MIOX: variants seen among roughly 807,000 people sequenced by gnomAD.
MIOX encodes inositol oxygenase.
A neutral mutation model predicts 42.7 loss-of-function variants in MIOX; 51 were observed. The observed-to-expected ratio is 1.19, with a 90% CI of 0.95 to 1.51. The LOEUF is 1.51. Ranked by LOEUF, MIOX falls within the 40% of genes most tolerant of loss-of-function variation. MIOX has a pLI of 0.00. For synonymous variants in MIOX, 168 were observed against 154.4 expected (o/e 1.09, Z -0.65); for missense variants, 395 against 381.3 (o/e 1.04, Z -0.30).
At position 50,487,398 on chromosome 22, in the gene MIOX, C is replaced by G; in HGVS notation, c.29C>G (p.Ser10Cys). MKVTVGPDP[S>C]LVYRPDVDPE... Reference sequence around the variant, plus strand: ...CCACCTACCCAGGGCCCAGACCCTTCCCTGGTCTACCGACCTGATGTGGAC... The same window carrying G: ...CCACCTACCCAGGGCCCAGACCCTTGCCTGGTCTACCGACCTGATGTGGAC... The change falls in exon 2 of 10, where the codon TCC (serine) becomes TGC (cysteine). Residue 10 changes from serine (S) to cysteine (C), a missense_variant. Transcript: ENST00000216075. 1 of 1,613,684 alleles carries G rather than the reference C, an allele frequency of 6.2e-7. No individual in the cohort carries two copies. The highest frequency in any genetic ancestry group is 8.5e-7 in the Non-Finnish European group (1 of 1,179,764).
chr22:50,490,004 C>A lies in MIOX; in HGVS notation c.*148C>A. 6.1e-6 allele frequency: 4 copies of A among 660,926 alleles called. No homozygotes were observed. The South Asian group carries it at 7.0e-5, about 12-fold the overall frequency. The allele number at this position is 660,926 out of a possible 1,614,324, so 40.9% of individuals were successfully genotyped here. A position where few individuals can be genotyped will look rare whatever the true frequency, so the allele number is the denominator to read the frequency against. On this transcript the variant is annotated 3_prime_UTR_variant, in exon 10 of 10. Coordinates refer to ENST00000216075, the MANE Select transcript of MIOX (RefSeq NM_017584.6). ...TTAGGGTCGCCACCCCTCACGGCAA[C>A]TTGTGCCTGGCGTCAATAAAGACCT...
In MIOX at chr22:50,487,993, CT is replaced by C. The variant is rs1287059896; in HGVS notation, c.286del (p.Ser96ProfsTer106). 4 of 1,613,894 alleles carry C rather than the reference CT, an allele frequency of 2.5e-6. No individual in the cohort carries two copies. Among genetic ancestry groups the C allele is most frequent in the Non-Finnish European group, 3.4e-6 (4 of 1,179,962 alleles). On this transcript the variant is annotated frameshift_variant, in exon 4 of 10. Coordinates refer to ENST00000216075, the MANE Select transcript of MIOX (RefSeq NM_017584.6). LOFTEE classifies it high-confidence loss of function. The part of the protein sequence containing the change: ...ESDPDVDFPN[S>X]FHAFQTAEGI... ...CGGACCCGGACGTAGATTTCCCCAA[CT>C]CCTTCCATGCCTTCCAGACAGCGGA...
intron 5 of MIOX, among the ~76,000 whole-genome samples, chr22:50,488,776 C>T (rs900735207): frequency 1.3e-5 from 1 of 75,200 alleles, no homozygotes; most frequent in African/African-American, 5.7e-5. Context: ...TCCTGTCCCT[C>T]CCATCCCTCC....
Position 50,489,731 on chromosome 22 carries a change from G to T in MIOX, c.750-17G>T. The T allele has an allele frequency of 6.2e-7, 1 of 1,610,728 alleles. No individual in the cohort carries two copies. ...CTGGGGGTTCTTCACGGGGCTCACC[G>T]CCCCTCCCTGCTGCAGCAAGTTCGA... On this transcript the variant is annotated splice_polypyrimidine_tract_variant and intron_variant, in intron 9 of 9. Transcript: ENST00000216075.
intron 5 of MIOX, 151 bp downstream of exon 5, chr22:50,488,493 C>T (rs13056168): frequency 0.4 from 198,312 of 495,394 alleles, 47,109 homozygotes; most frequent in Non-Finnish European, 0.46. Flanking sequence ...CTGGTGGCCT[C>T]GGTGCTTGGC....
chr22:50,487,783 C>T (rs756304639), intron 3 of MIOX, 41 bp downstream of exon 3: 1 of 1,611,596 alleles, frequency 6.2e-7, no homozygotes, highest in Non-Finnish European at 8.5e-7. Flanking sequence ...CGGAGGGACC[C>T]TTGCCCTCAG....
rs1556449955 is a variant in MIOX, at chr22:50,489,282, C to T, written c.573C>T (p.Ser191=). The part of the protein sequence containing the change: ...PHCGLDRVLM[S]WGHDEYMYQV... ...GTGGGCTCGACAGGGTCCTCATGTC[C>T]TGGGGCCATGATGGTGAGGCCAGAG... The change falls in exon 7 of 10, where the codon TCC becomes TCT. Residue 191 remains serine (S), a synonymous_variant. Transcript: ENST00000216075. The T allele has an allele frequency of 2.4e-5, 34 of 1,436,002 alleles. No individual in the cohort carries two copies. In the South Asian group the frequency reaches 3.3e-4, roughly 14 times the overall value. 89.0% of individuals were successfully genotyped at this position (1,436,002 alleles called of 1,614,324 possible).
In MIOX at chr22:50,489,939, C is replaced by T. The variant is rs1259126013; in HGVS notation, c.*83C>T. ...AGGCCTGGCCCTGGGCAAACAGCCGCCATCAGGGTTCACCTCGGTGGGGGA... is the reference window on the plus strand; with the variant it reads ...AGGCCTGGCCCTGGGCAAACAGCCGTCATCAGGGTTCACCTCGGTGGGGGA... On this transcript the variant is annotated 3_prime_UTR_variant, in exon 10 of 10. Coordinates refer to ENST00000216075, the MANE Select transcript of MIOX (RefSeq NM_017584.6). 7.4e-6 allele frequency: 10 copies of T among 1,355,352 alleles called. No homozygotes were observed. Among genetic ancestry groups the T allele is most frequent in the East Asian group, 4.7e-5 (2 of 42,988 alleles). The allele number at this position is 1,355,352 out of a possible 1,614,324, so 84.0% of individuals were successfully genotyped here. A position where few individuals can be genotyped will look rare whatever the true frequency, so the allele number is the denominator to read the frequency against.
At chr22:50,488,770 GTCCCTCCCATCCCTCCCGTCCCTCCTGT>G in intron 5 of MIOX, among the ~76,000 whole-genome samples, 1 of 56,462 alleles carries the variant, frequency 1.8e-5, no homozygotes, top group South Asian at 8.5e-4. Context: ...TGTCCCTCCT[GTCCCTCCCATCCCTCCCGTCCCTCCTGT>G]CCCTCCCGTC....
At position 50,489,783 on chromosome 22, in the gene MIOX, C is replaced by G. The variant is rs143408176; in HGVS notation, c.785C>G (p.Pro262Arg). The G allele has an allele frequency of 6.2e-7, 1 of 1,612,190 alleles. No individual in the cohort carries two copies. ...FDLYTKCPDL[P>R]DVDKLRPYYQ... ...CTCTACACCAAGTGCCCGGACCTGC[C>G]GGACGTGGACAAGCTGCGGCCCTAC... The change falls in exon 10 of 10, where the codon CCG (proline) becomes CGG (arginine). Residue 262 changes from proline (P) to arginine (R), a missense_variant. Coordinates refer to ENST00000216075, the MANE Select transcript of MIOX (RefSeq NM_017584.6).
chr22:50,488,724 CT>C (rs1178936425), intron 5 of MIOX, among the ~76,000 whole-genome samples: 7 of 124,594 alleles, frequency 5.6e-5, no homozygotes, highest in Admixed American at 3.3e-4. Context: ...CCTTCCCCCA[CT>C]TCCCCCACGG....
At chr22:50,487,587 G>C in intron 2 of MIOX, 75 bp from the exon 3 acceptor site, 1 of 1,560,856 alleles carries the variant, frequency 6.4e-7, no homozygotes, top group Non-Finnish European at 8.8e-7. Context: ...CACCCTGTGG[G>C]GCTGCCTGGG....
Position 50,488,909 on chromosome 22 carries a change from A to G in MIOX, c.409-131A>G, listed in dbSNP as rs185433282. ...TCCCTCCTGTCCCTCTGCAGTGGGCAGTCATCGGTGACACCTTCCCCCACT... is the reference window on the plus strand; with the variant it reads ...TCCCTCCTGTCCCTCTGCAGTGGGCGGTCATCGGTGACACCTTCCCCCACT... On this transcript the variant is annotated intron_variant, in intron 5 of 9. Coordinates refer to ENST00000216075, the MANE Select transcript of MIOX (RefSeq NM_017584.6). The G allele has an allele frequency of 7.7e-3, 3,416 of 442,620 alleles. 51 individuals are homozygous for G. The highest frequency in any genetic ancestry group is 0.021 in the Middle Eastern group (38 of 1,852). The allele number at this position is 442,620 out of a possible 1,614,324, so 27.4% of individuals were successfully genotyped here. A position where few individuals can be genotyped will look rare whatever the true frequency, so the allele number is the denominator to read the frequency against.
Position 50,487,709 on chromosome 22 carries a change from C to A in MIOX, c.144C>A (p.His48Gln), listed in dbSNP as rs752055088. ...TCTTCACCACCTACAAGCTCATGCA[C>A]ACGCACCAGACAGTGGACTTCGTCA... ...DRVFTTYKLM[H>Q]THQTVDFVRS... is the part of the protein sequence containing the mutation. Residue 48 changes from histidine (H) to glutamine (Q), a missense_variant, in exon 3 of 10, where the codon CAC becomes CAA. Physicochemically the swap from His to Gln is conservative, Grantham distance 24 (BLOSUM62 0). Coordinates refer to ENST00000216075, the MANE Select transcript of MIOX (RefSeq NM_017584.6). The A allele has an allele frequency of 1.2e-6, 2 of 1,613,896 alleles. No homozygotes were observed.
Position 50,489,958 on chromosome 22 carries a change from T to C in MIOX, c.*102T>C. The C allele has an allele frequency of 8.9e-7, 1 of 1,128,798 alleles. No individual in the cohort carries two copies. The highest frequency in any genetic ancestry group is 2.5e-5 in the East Asian group (1 of 40,586). The allele number at this position is 1,128,798 out of a possible 1,614,324, so 69.9% of individuals were successfully genotyped here. The stretch of plus-strand genomic sequence containing the variant: ...CAGCCGCCATCAGGGTTCACCTCGG[T>C]GGGGGACCCCACTCACCCCCTTAGG... On this transcript the variant is annotated 3_prime_UTR_variant, in exon 10 of 10. Transcript: ENST00000216075.
Position 50,489,839 on chromosome 22 carries a change from G to A in MIOX, c.841G>A (p.Gly281Ser). Residue 281 changes from glycine (G) to serine (S), a missense_variant, in exon 10 of 10, where the codon GGC becomes AGC. Coordinates refer to ENST00000216075, the MANE Select transcript of MIOX (RefSeq NM_017584.6). ...GGGGCTCATTGACAAGTACTGCCCT[G>A]GCATCCTGAGCTGGTGACCCTCCTG... is the stretch of plus-strand genomic sequence containing the variant. ...YQGLIDKYCP[G>S]ILSW 3 of 1,610,586 alleles carry A rather than the reference G, an allele frequency of 1.9e-6. No homozygotes were observed. The highest frequency in any genetic ancestry group is 1.1e-5 in the South Asian group (1 of 91,020).
rs1465660072 is a variant in MIOX at position 50,489,098 on chromosome 22, T to C, written c.467T>C (p.Phe156Ser). 6.2e-7 allele frequency: 1 copy of C among 1,612,950 alleles called. No homozygotes were observed. The highest frequency in any genetic ancestry group is 8.5e-7 in the Non-Finnish European group (1 of 1,179,910). ...TGCCGTCCGCAGGCCTCCGTGGTTTTCTGCGACTCCACCTTCCAGGACAAC... is the reference window on the plus strand; with the variant it reads ...TGCCGTCCGCAGGCCTCCGTGGTTTCCTGCGACTCCACCTTCCAGGACAAC... ...VGCRPQASVVFCDSTFQDNPD... is the reference protein window; with the variant it reads ...VGCRPQASVVSCDSTFQDNPD... Residue 156 changes from phenylalanine to serine, a missense_variant, in exon 6 of 10, where the codon TTC becomes TCC. Physicochemically the swap from Phe to Ser is radical, Grantham distance 155. Coordinates refer to ENST00000216075, the MANE Select transcript of MIOX (RefSeq NM_017584.6).
At position 50,488,027 on chromosome 22, in the gene MIOX, C is replaced by T. The variant is rs377169234; in HGVS notation, c.319C>T (p.Arg107Trp). 2.9e-5 allele frequency: 46 copies of T among 1,613,760 alleles called. No homozygotes were observed. The highest frequency in any genetic ancestry group is 2.0e-4 in the East Asian group (9 of 44,878). ...TGCCTTCCAGACAGCGGAGGGCATC[C>T]GGAAGGCCCACCCAGACAAGGGTGA... ...FHAFQTAEGI[R>W]KAHPDKDWFH... Residue 107 changes from arginine (R) to tryptophan (W), a missense_variant, in exon 4 of 10, where the codon CGG (arginine) becomes TGG (tryptophan). By Grantham distance (101) the Arg-to-Trp change is moderately radical. Coordinates refer to ENST00000216075, the MANE Select transcript of MIOX (RefSeq NM_017584.6).
In MIOX at chr22:50,489,093, G is replaced by T. The variant is rs2068323446; in HGVS notation, c.462G>T (p.Val154=). Residue 154 remains valine (V), a synonymous_variant, in exon 6 of 10, where the codon GTG becomes GTT. Coordinates refer to ENST00000216075, the MANE Select transcript of MIOX (RefSeq NM_017584.6). ...TCGGATGCCGTCCGCAGGCCTCCGT[G>T]GTTTTCTGCGACTCCACCTTCCAGG... ...FPVGCRPQAS[V]VFCDSTFQDN... is the part of the protein sequence containing the mutation. The T allele has an allele frequency of 1.2e-6, 2 of 1,612,832 alleles. No homozygotes were observed. Among genetic ancestry groups the T allele is most frequent in the African/African-American group, 1.3e-5 (1 of 74,766 alleles).
Sources: gnomAD v4.1 joint callset for allele counts (sites outside exome capture counted in the v4.1 genomes callset) on GRCh38, gnomAD v4.1.1 for gene constraint, MANE v1.5 for transcripts, NCBI Gene and HGNC (gene_info 2026-07-23, HGNC 2026-07-21) for gene names.